Variants in TM9SF1 observed in about 807,000 individuals in gnomAD.
TM9SF1 encodes the protein MP70 protein family member.
Under a neutral mutation model 52.4 loss-of-function variants are expected in TM9SF1, and 25 were observed. That is an observed-to-expected ratio of 0.48 (90% CI 0.35 to 0.67). The LOEUF (loss-of-function observed/expected upper bound fraction) is 0.67, where lower values mean the gene tolerates loss of function less well. Among genes scored for constraint, TM9SF1 ranks in the 30% least tolerant of loss-of-function variants. TM9SF1 has a pLI of 0.01. For missense variants in TM9SF1, 604 were observed against 780.3 expected, an observed-to-expected ratio of 0.77 and a Z score of 2.69; for synonymous variants, 284 against 299.8, an observed-to-expected ratio of 0.95 and a Z score of 0.55.
Position 24,193,138 on chromosome 14 carries a change from G to A in TM9SF1, c.477C>T (p.Leu159=), listed in dbSNP as rs779489946. Residue 159 remains leucine, a synonymous_variant, in exon 3 of 6, where the codon CTC becomes CTT. Coordinates refer to ENST00000261789, the MANE Select transcript of TM9SF1 (RefSeq NM_006405.7). Reference sequence around the variant, plus strand: ...CTAGGTGGAAGTCCAAATGGGTCCAGAGTCCTATCTTGTGGCTGTGTGGCA... The same window carrying A: ...CTAGGTGGAAGTCCAAATGGGTCCAAAGTCCTATCTTGTGGCTGTGTGGCA... ...GFLPHSHKIG[L]WTHLDFHLEF... The A allele has an allele frequency of 6.2e-7, 1 of 1,614,040 alleles. No homozygotes were observed.
rs767651570 is a variant in TM9SF1, at chr14:24,192,709, T to C, written c.906A>G (p.Pro302=). 3.7e-6 allele frequency: 6 copies of C among 1,611,494 alleles called. No homozygotes were observed. Among genetic ancestry groups the C allele is most frequent in the East Asian group, 2.2e-5 (1 of 44,886 alleles). Residue 302 remains proline (P), a synonymous_variant, in exon 3 of 6, where the codon CCA becomes CCG. Transcript: ENST00000261789. The surrounding 1 kb of genome is among the most constrained non-coding windows in gnomAD (Gnocchi z 4.0). ...GCACAGCACAGAGCAGACCACGGTA[T>C]GGGGGGAAGCGGAAGACATCTGTAT... ...IIHTDVFRFP[P]YRGLLCAVLG...
At chr14:24,195,103 G>A in intron 1 of TM9SF1, 67 bp from the exon 2 acceptor site, 1 of 1,141,732 alleles carries the variant, frequency 8.8e-7, no homozygotes, top group Non-Finnish European at 1.3e-6. Flanking sequence ...CAGGTGCCTC[G>A]AACTGAGGTC....
chr14:24,189,538 T>C lies in TM9SF1; in HGVS notation c.1698A>G (p.Thr566=), dbSNP rs1339691534. 2 of 1,614,204 alleles carry C rather than the reference T, an allele frequency of 1.2e-6. No individual in the cohort carries two copies. Among genetic ancestry groups the C allele is most frequent in the Non-Finnish European group, 1.7e-6 (2 of 1,180,042 alleles). ...RRSNMSGAVQ[T]VEFFGYSLLT... Reference sequence around the variant, plus strand: ...GTAAGGAGTAGCCGAAGAACTCTACTGTCTGTACTGCCCCAGACATGTTGG... The same window carrying C: ...GTAAGGAGTAGCCGAAGAACTCTACCGTCTGTACTGCCCCAGACATGTTGG... The change falls in exon 6 of 6, where the codon ACA becomes ACG. Residue 566 remains threonine, a synonymous_variant. Transcript: ENST00000261789.
At position 24,190,860 on chromosome 14, in the gene TM9SF1, T is replaced by G. The variant is rs1386332656; in HGVS notation, c.1154-207A>C. On this transcript the variant is annotated intron_variant, in intron 4 of 5. Coordinates refer to ENST00000261789, the MANE Select transcript of TM9SF1 (RefSeq NM_006405.7). ...TTATTCTTTGTTCTGTGTTTTTTTTTTTTTTTTTTTTTTTTTTTTGAGACA... is the reference window on the plus strand; with the variant it reads ...TTATTCTTTGTTCTGTGTTTTTTTTGTTTTTTTTTTTTTTTTTTTGAGACA... 2.0e-3 allele frequency among the ~76,000 whole-genome samples: 257 copies of G among 130,428 alleles called. 2 individuals carry two copies. Among genetic ancestry groups the G allele is most frequent in the Non-Finnish European group, 3.3e-3 (203 of 60,968 alleles). 85.6% of individuals were successfully genotyped at this position (130,428 alleles called of 152,430 possible). A position where few individuals can be genotyped will look rare whatever the true frequency, so the allele number is the denominator to read the frequency against.
chr14:24,193,834 G>A (rs2039358972), intron 2 of TM9SF1, among the ~76,000 whole-genome samples: 1 of 151,720 alleles, frequency 6.6e-6, no homozygotes, highest in Admixed American at 6.6e-5. Context: ...GCAGGAGAAT[G>A]GCGTGAACCC....
At position 24,193,033 on chromosome 14, in the gene TM9SF1, A is replaced by G; in HGVS notation, c.582T>C (p.Pro194=). 2 of 1,614,248 alleles carry G rather than the reference A, an allele frequency of 1.2e-6. No individual in the cohort carries two copies. Among genetic ancestry groups the G allele is most frequent in the Non-Finnish European group, 1.7e-6 (2 of 1,180,042 alleles). The part of the protein sequence containing the change: ...VKPHSLDGLR[P]DEFLGLTHTY... ...TGTGGGTAAGGCCTAGGAACTCGTC[A>G]GGTCGTAACCCATCCAAGCTGTGGG... Residue 194 remains proline (P), a synonymous_variant, in exon 3 of 6, where the codon CCT becomes CCC. Coordinates refer to ENST00000261789, the MANE Select transcript of TM9SF1 (RefSeq NM_006405.7).
In TM9SF1 at chr14:24,192,837, C is replaced by G; in HGVS notation, c.778G>C (p.Val260Leu). ...TACCGAGCCAGGTCATTCCGAAGCA[C>G]ACGCATTAGAATGACAGCCACAAAA... ...VGFVAVILMR[V>L]LRNDLARYNL... is the part of the protein sequence containing the mutation. Residue 260 changes from valine (V) to leucine (L), a missense_variant, in exon 3 of 6, where the codon GTG (valine) becomes CTG (leucine). By Grantham distance (32) the Val-to-Leu change is conservative. Transcript: ENST00000261789. The surrounding 1 kb of genome is among the most constrained non-coding windows in gnomAD (Gnocchi z 4.0). The G allele has an allele frequency of 6.2e-7, 1 of 1,613,570 alleles. No individual in the cohort carries two copies. Among genetic ancestry groups the G allele is most frequent in the Non-Finnish European group, 8.5e-7 (1 of 1,179,600 alleles).
In TM9SF1 at chr14:24,189,255, T is replaced by C. The variant is rs1045087264; in HGVS notation, c.*160A>G. On this transcript the variant is annotated 3_prime_UTR_variant, in exon 6 of 6. Coordinates refer to ENST00000261789, the MANE Select transcript of TM9SF1 (RefSeq NM_006405.7). The stretch of plus-strand genomic sequence containing the variant: ...ATATAATCCTTATGTGATAGAGATT[T>C]ATAATTTCCAGGCCCTCTCTGGGGA... 1 of 731,760 alleles carries C rather than the reference T, an allele frequency of 1.4e-6. No homozygotes were observed. Among genetic ancestry groups the C allele is most frequent in the African/African-American group, 1.8e-5 (1 of 56,974 alleles). 45.3% of individuals were successfully genotyped at this position (731,760 alleles called of 1,614,324 possible).
intron 4 of TM9SF1, among the ~76,000 whole-genome samples, chr14:24,191,540 A>G (rs184660706): frequency 1.3e-5 from 2 of 152,322 alleles, no homozygotes; most frequent in East Asian, 3.9e-4. Flanking sequence ...AGACTGCTGA[A>G]ACCTAGTTCA....
chr14:24,194,728 G>A lies in TM9SF1; in HGVS notation c.292C>T (p.Arg98Trp). Residue 98 changes from arginine (R) to tryptophan (W), a missense_variant, in exon 2 of 6, where the codon CGG becomes TGG. Around this residue, in one of 3 missense-constraint regions of TM9SF1, gnomAD observed 450 missense variants for 560.1 expected, o/e 0.80. Coordinates refer to ENST00000261789, the MANE Select transcript of TM9SF1 (RefSeq NM_006405.7). ...AGAATTCTCTTCTCCACGTTTTCCC[G>A]AAAGCGGATCTCATACAAAGACTCA... ...MAESLYEIRF[R>W]ENVEKRILCH... 2 of 1,614,188 alleles carry A rather than the reference G, an allele frequency of 1.2e-6. No homozygotes were observed. The highest frequency in any genetic ancestry group is 1.7e-6 in the Non-Finnish European group (2 of 1,180,016).
rs747641017 is a variant in TM9SF1, at chr14:24,190,583, T to C, written c.1224A>G (p.Pro408=). 34 of 1,614,042 alleles carry C rather than the reference T, an allele frequency of 2.1e-5. No individual in the cohort carries two copies. The highest frequency in any genetic ancestry group is 2.6e-5 in the Non-Finnish European group (31 of 1,180,032). ...HWANGSTQAL[P]ATTILLLLTV... ...TCAGAAGCAGCAGGATGGTTGTGGC[T>C]GGCAGAGCCTGTGTCGAACCATTGG... Residue 408 remains proline, a synonymous_variant, in exon 5 of 6, where the codon CCA becomes CCG. Transcript: ENST00000261789.
chr14:24,189,987 C>A, intron 5 of TM9SF1, 179 bp from the exon 6 acceptor site: 3 of 1,391,072 alleles, frequency 2.2e-6, no homozygotes, highest in Non-Finnish European at 2.8e-6. Context: ...TATGATTAGC[C>A]GCTCTCACTT....
rs755343872 is a variant in TM9SF1 at position 24,192,707 on chromosome 14, T to C, written c.908A>G (p.Tyr303Cys). 8 of 1,610,536 alleles carry C rather than the reference T, an allele frequency of 5.0e-6. No individual in the cohort carries two copies. The East Asian group carries it at 1.6e-4, about 31-fold the overall frequency. The change falls in exon 3 of 6, where the codon TAC (tyrosine) becomes TGC (cysteine). Residue 303 changes from tyrosine to cysteine, a missense_variant. Transcript: ENST00000261789. The surrounding 1 kb of genome is among the most constrained non-coding windows in gnomAD (Gnocchi z 4.0). The stretch of plus-strand genomic sequence containing the variant: ...AAGCACAGCACAGAGCAGACCACGG[T>C]ATGGGGGGAAGCGGAAGACATCTGT... The part of the protein sequence containing the change: ...IHTDVFRFPP[Y>C]RGLLCAVLGV...
chr14:24,192,923 G>C lies in TM9SF1; in HGVS notation c.692C>G (p.Thr231Arg), dbSNP rs1316419047. Residue 231 changes from threonine (T) to arginine (R), a missense_variant, in exon 3 of 6, where the codon ACA becomes AGA. Thr to Arg is a moderately conservative substitution (Grantham distance 71, BLOSUM62 -1). Around this residue, in one of 3 missense-constraint regions of TM9SF1, gnomAD observed 450 missense variants for 560.1 expected, o/e 0.80. Transcript: ENST00000261789. The surrounding 1 kb of genome is among the most constrained non-coding windows in gnomAD (Gnocchi z 4.0). ...GATGGACAACCAATGGATTTCCAGTGTTCGAGGAAAGAAACCACCATCGTC... is the reference window on the plus strand; with the variant it reads ...GATGGACAACCAATGGATTTCCAGTCTTCGAGGAAAGAAACCACCATCGTC... Reference protein sequence around the residue: ...RGDDGGFFPRTLEIHWLSIIN... With the variant: ...RGDDGGFFPRRLEIHWLSIIN... 6.2e-7 allele frequency: 1 copy of C among 1,614,126 alleles called. No individual in the cohort carries two copies. The highest frequency in any genetic ancestry group is 1.7e-5 in the Admixed American group (1 of 60,022).
At position 24,192,512 on chromosome 14, in the gene TM9SF1, A is replaced by G. The variant is rs893192682; in HGVS notation, c.967+136T>C. The stretch of plus-strand genomic sequence containing the variant: ...AGAAAATCTACAATAGAATACGTGC[A>G]TTCTTGCTAGAGCCACCCTATCCCT... On this transcript the variant is annotated intron_variant, in intron 3 of 5. Coordinates refer to ENST00000261789, the MANE Select transcript of TM9SF1 (RefSeq NM_006405.7). This position sits in a 1 kb window ranked among gnomAD's most constrained non-coding sequence, Gnocchi z 4.0. 7 of 1,389,376 alleles carry G rather than the reference A, an allele frequency of 5.0e-6. No homozygotes were observed. The East Asian group carries it at 1.6e-4, about 32-fold the overall frequency. The allele number at this position is 1,389,376 out of a possible 1,614,324, so 86.1% of individuals were successfully genotyped here. A position where few individuals can be genotyped will look rare whatever the true frequency, so the allele number is the denominator to read the frequency against.
intron 5 of TM9SF1, 152 bp from the exon 6 acceptor site, chr14:24,189,960 C>G (rs1012836024): frequency 2.9e-6 from 4 of 1,396,400 alleles, no homozygotes; most frequent in Non-Finnish European, 3.7e-6. Context: ...CTCCTGGCTT[C>G]ATGGGGATTT....
At chr14:24,191,278 T>G (rs1447074176) in intron 4 of TM9SF1, among the ~76,000 whole-genome samples, 1 of 152,248 alleles carries the variant, frequency 6.6e-6, no homozygotes, top group Non-Finnish European at 1.5e-5. Flanking sequence ...GGGGCCTGTC[T>G]TGCCTTGGAG....
chr14:24,192,795 TCTC>T lies in TM9SF1; in HGVS notation c.817_819del (p.Glu273del). ...TCATCACCAGAACCTGCAGAGGTGG[TCTC>T]CTCATCTAAGTTGTACCGAGCCAGG... On this transcript the variant is annotated inframe_deletion, in exon 3 of 6. Transcript: ENST00000261789. The surrounding 1 kb of genome is among the most constrained non-coding windows in gnomAD (Gnocchi z 4.0). 1 of 1,614,012 alleles carries T rather than the reference TCTC, an allele frequency of 6.2e-7. No homozygotes were observed. Among genetic ancestry groups the T allele is most frequent in the Non-Finnish European group, 8.5e-7 (1 of 1,179,978 alleles).
In TM9SF1 at chr14:24,192,533, T is replaced by C; in HGVS notation, c.967+115A>G. On this transcript the variant is annotated intron_variant, in intron 3 of 5. Transcript: ENST00000261789. The surrounding 1 kb of genome is among the most constrained non-coding windows in gnomAD (Gnocchi z 4.0). ...GTGCATTCTTGCTAGAGCCACCCTA[T>C]CCCTTAGGTCTGCCCCTCTGGATAG... 1 of 1,418,894 alleles carries C rather than the reference T, an allele frequency of 7.0e-7. No homozygotes were observed. Among genetic ancestry groups the C allele is most frequent in the Non-Finnish European group, 9.5e-7 (1 of 1,049,490 alleles). The allele number at this position is 1,418,894 out of a possible 1,614,324, so 87.9% of individuals were successfully genotyped here.
Sources: allele counts gnomAD v4.1 joint callset (sites outside exome capture counted in the v4.1 genomes callset), GRCh38; gene constraint gnomAD v4.1.1; regional missense constraint gnomAD v4.1.1; non-coding constraint Gnocchi (gnomAD v3.1); transcripts MANE v1.5; gene names NCBI Gene and HGNC (gene_info 2026-07-23, HGNC 2026-07-21).